Variants in DCDC2 observed in about 807,000 individuals in gnomAD.
The protein encoded by DCDC2 is doublecortin domain containing 2, also known as doublecortin domain-containing protein 2.
Under a neutral mutation model 50.2 loss-of-function variants are expected in DCDC2, and 40 were observed. That is an observed-to-expected ratio of 0.80 (90% confidence interval 0.62 to 1.04). The LOEUF (loss-of-function observed/expected upper bound fraction) is 1.04. Among genes scored for constraint, DCDC2 ranks in the 50% least tolerant of loss-of-function variants. The pLI is 0.00. For missense variants in DCDC2, 570 were observed against 581.9 expected (o/e 0.98, Z 0.21); for synonymous variants, 234 against 210.6 (o/e 1.11, Z -0.96).
intron 7 of DCDC2, among the ~76,000 whole-genome samples, chr6:24,267,261 CAAT>C (rs1763141644): frequency 2.0e-5 from 3 of 151,898 alleles, no homozygotes; most frequent in South Asian, 4.2e-4. Flanking sequence ...TTATAGTAAA[CAAT>C]AATTTATTGT....
the DCDC2 span, among the ~76,000 whole-genome samples, chr6:24,369,133 C>CAAAAAAAAAAAAAAAAAAAAA: frequency 1.1e-5 from 1 of 92,812 alleles, no homozygotes; most frequent in African/African-American, 4.8e-5. Flanking sequence ...GACTCTGTCT[C>CAAAAAAAAAAAAAAAAAAAAA]AAAAAAAAAA....
In DCDC2 at chr6:24,205,313, C is replaced by T; in HGVS notation, c.923-211G>A. On this transcript the variant is annotated intron_variant, in intron 7 of 9. Transcript: ENST00000378454. ...AAAACATTCAGTGGTCAAAACAAGG[C>T]TGACCCAGCAGGGTAAAGTTCTGTC... 2.0e-6 allele frequency: 3 copies of T among 1,535,200 alleles called. No homozygotes were observed. The South Asian group carries it at 3.7e-5, about 19-fold the overall frequency.
At chr6:24,238,894 A>C (rs545277149) in intron 7 of DCDC2, among the ~76,000 whole-genome samples, 1 of 152,352 alleles carries the variant, frequency 6.6e-6, no homozygotes, top group Admixed American at 6.5e-5. Flanking sequence ...CTGTCCTGTG[A>C]GAACATGAGC....
chr6:24,352,439 T>C (rs942136792), intron 2 of DCDC2, among the ~76,000 whole-genome samples: 7 of 152,294 alleles, frequency 4.6e-5, no homozygotes, highest in African/African-American at 1.7e-4. Context: ...AACCTGAAAA[T>C]TGTATACCTT....
chr6:24,220,960 A>G (rs945608295), intron 7 of DCDC2, among the ~76,000 whole-genome samples: 11 of 32,156 alleles, frequency 3.4e-4, no homozygotes, highest in African/African-American at 2.1e-3. Context: ...CTTTTAAATG[A>G]TAAGATCTCA....
intron 9 of DCDC2, among the ~76,000 whole-genome samples, chr6:24,176,282 T>A (rs1760908172): frequency 6.6e-6 from 1 of 151,086 alleles, no homozygotes; most frequent in African/African-American, 2.4e-5. Flanking sequence ...GGTAGCAGAG[T>A]GAGACCTTGT....
intron 7 of DCDC2, among the ~76,000 whole-genome samples, chr6:24,244,001 G>A (rs62400390): frequency 0.047 from 7,104 of 152,232 alleles, 187 homozygotes; most frequent in African/African-American, 0.063. Flanking sequence ...AATCTTCAAT[G>A]CACATTAATA....
chr6:24,377,480 G>T, the DCDC2 span, among the ~76,000 whole-genome samples: 4 of 152,088 alleles, frequency 2.6e-5, no homozygotes, highest in African/African-American at 9.7e-5. Context: ...ATTTCATAAA[G>T]ATGGTCTCAA....
chr6:24,218,112 A>G (rs1159754059), intron 7 of DCDC2, among the ~76,000 whole-genome samples: 1 of 152,210 alleles, frequency 6.6e-6, no homozygotes, highest in African/African-American at 2.4e-5. Flanking sequence ...ACACAAACAC[A>G]ACTTTTGTAC....
chr6:24,302,291 G>A (rs1443410472), intron 2 of DCDC2, among the ~76,000 whole-genome samples: 1 of 36,476 alleles, frequency 2.7e-5, no homozygotes, highest in African/African-American at 9.2e-5. Context: ...CTCATGATCT[G>A]TGGAAAAAAA....
chr6:24,289,562 G>A (rs1763693969), intron 5 of DCDC2, among the ~76,000 whole-genome samples: 1 of 152,176 alleles, frequency 6.6e-6, no homozygotes, highest in Non-Finnish European at 1.5e-5. Context: ...TTACCATCAG[G>A]TACACACTGT....
intron 7 of DCDC2, among the ~76,000 whole-genome samples, chr6:24,252,151 T>C (rs1308178966): frequency 6.6e-6 from 1 of 152,204 alleles, no homozygotes; most frequent in Non-Finnish European, 1.5e-5. Context: ...CTATTTCCCA[T>C]CTTTTGATTT....
intron 2 of DCDC2, among the ~76,000 whole-genome samples, chr6:24,303,512 A>G (rs1309255622): frequency 1.3e-5 from 2 of 152,164 alleles, no homozygotes; most frequent in Non-Finnish European, 2.9e-5. Context: ...GGCCCAGCTC[A>G]GTTATCACCA....
At chr6:24,336,861 T>C (rs1414878657) in intron 2 of DCDC2, among the ~76,000 whole-genome samples, 1 of 152,202 alleles carries the variant, frequency 6.6e-6, no homozygotes, top group Admixed American at 6.5e-5. Context: ...ATTCTAAATA[T>C]GTATTAGGTA....
At chr6:24,244,885 A>G (rs1465431914) in intron 7 of DCDC2, among the ~76,000 whole-genome samples, 3 of 152,182 alleles carry the variant, frequency 2.0e-5, no homozygotes, top group Non-Finnish European at 4.4e-5. Flanking sequence ...AGAAATGCAA[A>G]CAAAATGTGA....
At chr6:24,348,606 A>C (rs1760309366) in intron 2 of DCDC2, among the ~76,000 whole-genome samples, 1 of 152,224 alleles carries the variant, frequency 6.6e-6, no homozygotes, top group Admixed American at 6.5e-5. Context: ...ACTCTTACAG[A>C]TATAATTATT....
At chr6:24,202,720 G>A (rs551022454) in intron 8 of DCDC2, among the ~76,000 whole-genome samples, 1 of 152,162 alleles carries the variant, frequency 6.6e-6, no homozygotes, top group Non-Finnish European at 1.5e-5. Context: ...TGACATGATT[G>A]TATATCTAGA....
intron 2 of DCDC2, among the ~76,000 whole-genome samples, chr6:24,349,175 T>C (rs1309197355): frequency 6.6e-6 from 1 of 152,154 alleles, no homozygotes; most frequent in Non-Finnish European, 1.5e-5. Flanking sequence ...ATTTGAAGGG[T>C]CCACAAATGG....
At chr6:24,276,414 C>A (rs200524650) in intron 7 of DCDC2, among the ~76,000 whole-genome samples, 289 of 145,854 alleles carry the variant, frequency 2.0e-3, no homozygotes, top group Middle Eastern at 3.5e-3. Context: ...AGGCTTTTAA[C>A]AAAAAAAAAA....
Sources: gnomAD v4.1 joint callset for allele counts (sites outside exome capture counted in the v4.1 genomes callset) on GRCh38, gnomAD v4.1.1 for gene constraint, MANE v1.5 for transcripts, NCBI Gene and HGNC (gene_info 2026-07-23, HGNC 2026-07-21) for gene names.